MYO9A: variants seen among roughly 807,000 people sequenced by gnomAD.
The protein encoded by MYO9A is unconventional myosin-IXa.
Under a neutral mutation model 293.3 loss-of-function variants are expected in MYO9A, and 103 were observed. The observed-to-expected ratio is 0.35, with a 90% CI of 0.30 to 0.41. MYO9A has a LOEUF of 0.41. MYO9A is among the 10% of genes least tolerant of loss of function. MYO9A has a pLI of 1.00. For synonymous variants in MYO9A, 1,001 were observed against 1,035.7 expected, an observed-to-expected ratio of 0.97 and a Z score of 0.64; for missense variants, 2,685 against 3,033.0, an observed-to-expected ratio of 0.89 and a Z score of 2.69.
At position 71,883,708 on chromosome 15, in the gene MYO9A, C is replaced by T. The variant is rs1253509782; in HGVS notation, c.5284G>A (p.Ala1762Thr). The T allele has an allele frequency of 3.5e-5, 57 of 1,612,858 alleles. No individual in the cohort carries two copies. Among genetic ancestry groups the T allele is most frequent in the Non-Finnish European group, 4.3e-5 (51 of 1,179,508 alleles). Residue 1762 changes from alanine to threonine, a missense_variant, in exon 28 of 42, where the codon GCC becomes ACC. Ala to Thr is a moderately conservative substitution (Grantham distance 58). Around this residue, in one of 10 missense-constraint regions of MYO9A, gnomAD observed 1,434 missense variants for 1,497.7 expected, o/e 0.96. Transcript: ENST00000356056. Reference sequence around the variant, plus strand: ...TTCTTCTCCCCTTGTTTCCCTTTGGCCCAGAATCTCATCTTAGCTCTCTGA... The same window carrying T: ...TTCTTCTCCCCTTGTTTCCCTTTGGTCCAGAATCTCATCTTAGCTCTCTGA... ...RPQRAKMRFW[A>T]KGKQGEKKTT...
chr15:71,945,010 A>G (rs2058877734), intron 15 of MYO9A, among the ~76,000 whole-genome samples: 2 of 152,210 alleles, frequency 1.3e-5, no homozygotes, highest in Admixed American at 1.3e-4. Flanking sequence ...ACTCTTAAAC[A>G]TATTTGTTAA....
chr15:71,891,219 A>G (rs2057166918), intron 26 of MYO9A: 3 of 152,356 alleles, frequency 2.0e-5, no homozygotes, highest in Admixed American at 1.3e-4. Flanking sequence ...TGACTAACAC[A>G]CTGTGCAGGG....
chr15:71,984,799 T>C (rs1412924042), intron 11 of MYO9A, among the ~76,000 whole-genome samples: 1 of 152,234 alleles, frequency 6.6e-6, no homozygotes, highest in Non-Finnish European at 1.5e-5. Flanking sequence ...AGTTCTTTAA[T>C]AAAAATATTG....
intron 14 of MYO9A, among the ~76,000 whole-genome samples, chr15:71,956,330 A>ATATATATATATATAT (rs1555490831): frequency 0.011 from 811 of 75,524 alleles, 39 homozygotes; most frequent in Middle Eastern, 0.037. Context: ...AAAAAAAAAA[A>ATATATATATATATAT]ATATATATAT....
intron 36 of MYO9A, 88 bp downstream of exon 36, chr15:71,852,044 C>T (rs941519113): frequency 7.2e-7 from 1 of 1,381,490 alleles, no homozygotes; most frequent in African/African-American, 1.4e-5. Context: ...AATTAAACCA[C>T]TAGAGGATGG....
intron 18 of MYO9A, among the ~76,000 whole-genome samples, chr15:71,922,354 T>C (rs1159185861): frequency 6.6e-6 from 1 of 152,236 alleles, no homozygotes; most frequent in African/African-American, 2.4e-5. Context: ...TGAATAATAA[T>C]TGTATATATT....
intron 2 of MYO9A, chr15:72,045,195 C>T (rs1213357242): frequency 1.3e-5 from 2 of 152,156 alleles, no homozygotes; most frequent in African/African-American, 4.8e-5. Flanking sequence ...AGCTTCTCAG[C>T]CTTTTGGCTA....
chr15:72,117,534 C>G (rs1410865184), intron 1 of MYO9A, 146 bp downstream of exon 1: 2 of 349,268 alleles, frequency 5.7e-6, no homozygotes, highest in East Asian at 8.6e-5. Flanking sequence ...GGGCCGTGAT[C>G]TGGTGTTTGG....
chr15:72,049,739 T>A (rs2078497507), intron 1 of MYO9A, among the ~76,000 whole-genome samples: 1 of 152,242 alleles, frequency 6.6e-6, no homozygotes, highest in Admixed American at 6.5e-5. Flanking sequence ...ATCTAACTAA[T>A]GCCAGAGAAT....
At chr15:71,925,387 A>G (rs146775808) in intron 18 of MYO9A, among the ~76,000 whole-genome samples, 1,888 of 151,492 alleles carry the variant, frequency 0.012, 58 homozygotes, top group Admixed American at 0.057. Context: ...ATATACGTGT[A>G]TATGGATATA....
At chr15:71,905,953 T>C (rs974513768) in intron 19 of MYO9A, among the ~76,000 whole-genome samples, 2 of 152,012 alleles carry the variant, frequency 1.3e-5, no homozygotes, top group Admixed American at 1.3e-4. Flanking sequence ...TTTAGATTAT[T>C]GAATTGAGAC....
chr15:72,030,662 C>T (rs569864709), intron 3 of MYO9A, among the ~76,000 whole-genome samples: 61 of 152,060 alleles, frequency 4.0e-4, no homozygotes, highest in African/African-American at 1.4e-3. Context: ...CAGCTGGGTC[C>T]ACAGGCACGT....
chr15:72,109,438 C>G (rs2080697393), intron 1 of MYO9A, among the ~76,000 whole-genome samples: 1 of 150,756 alleles, frequency 6.6e-6, no homozygotes, highest in Non-Finnish European at 1.5e-5. Flanking sequence ...AACAATAATG[C>G]AAATATGGAT....
chr15:72,027,591 C>A (rs2077712423), intron 4 of MYO9A, 140 bp downstream of exon 4: 1 of 628,260 alleles, frequency 1.6e-6, no homozygotes. Context: ...AAAGTTCTGC[C>A]CATGACAGAA....
intron 39 of MYO9A, among the ~76,000 whole-genome samples, chr15:71,836,804 ATAAAG>A (rs936035036): frequency 3.9e-5 from 6 of 152,098 alleles, no homozygotes; most frequent in Non-Finnish European, 8.8e-5. Flanking sequence ...CAAACAAAAA[ATAAAG>A]TAAGTCATTA....
rs557848338 is a variant in MYO9A, at chr15:72,061,107, G to T, written c.-71-14473C>A. Among the ~76,000 whole-genome samples, 10 of 152,244 alleles carry T rather than the reference G, an allele frequency of 6.6e-5. No homozygotes were observed. In the South Asian group the frequency reaches 2.1e-3, roughly 32 times the overall value. On this transcript the variant is annotated intron_variant, in intron 1 of 41. Transcript: ENST00000356056. Reference sequence around the variant, plus strand: ...AGGAACCAGCTGCTATGAAAGGAAAGACCCAGTCCTGGCAGGATTTATCAA... The same window carrying T: ...AGGAACCAGCTGCTATGAAAGGAAATACCCAGTCCTGGCAGGATTTATCAA...
chr15:72,103,444 A>AAGC (rs1725746651), intron 1 of MYO9A, among the ~76,000 whole-genome samples: 3 of 144,754 alleles, frequency 2.1e-5, no homozygotes, highest in African/African-American at 5.7e-5. Context: ...GCAGAAGCAG[A>AAGC]AGCAGCAGCA....
chr15:71,942,948 T>G (rs2058817425), intron 15 of MYO9A, among the ~76,000 whole-genome samples: 1 of 152,074 alleles, frequency 6.6e-6, no homozygotes, highest in Admixed American at 6.5e-5. Context: ...GAGCATCTGT[T>G]CAGATTACTA....
chr15:72,098,454 T>G (rs1198996593), intron 1 of MYO9A, among the ~76,000 whole-genome samples: 1 of 152,132 alleles, frequency 6.6e-6, no homozygotes, highest in Non-Finnish European at 1.5e-5. Flanking sequence ...ATTTGGAAAT[T>G]TTTAAATATA....
Sources: allele counts gnomAD v4.1 joint callset (sites outside exome capture counted in the v4.1 genomes callset), GRCh38; gene constraint gnomAD v4.1.1; regional missense constraint gnomAD v4.1.1; transcripts MANE v1.5; gene names NCBI Gene and HGNC (gene_info 2026-07-23, HGNC 2026-07-21).